The following ERN1 variants were observed in gnomAD, a reference collection of about 807,000 sequenced individuals.
ERN1 encodes serine/threonine-protein kinase/endoribonuclease IRE1.
ERN1 carries 39 observed loss-of-function variants against 113.1 expected under a neutral mutation model. The observed-to-expected ratio is 0.34, with a 90% CI of 0.27 to 0.45. ERN1 has a LOEUF of 0.45. Among genes scored for constraint, ERN1 ranks in the 20% least tolerant of loss-of-function variants. ERN1 has a pLI of 1.00. For synonymous variants in ERN1, 507 were observed against 515.9 expected (o/e 0.98, Z 0.23); for missense variants, 976 against 1,274.8 (o/e 0.77, Z 3.57).
intron 1 of ERN1, among the ~76,000 whole-genome samples, chr17:64,119,834 A>C (rs1175144660): frequency 1.3e-5 from 2 of 152,072 alleles, no homozygotes; most frequent in Non-Finnish European, 2.9e-5. Flanking sequence ...TTGGAGATGC[A>C]TTTGTTCTTT....
chr17:64,098,372 G>T, intron 1 of ERN1, 131 bp from the exon 2 acceptor site: 1 of 1,186,852 alleles, frequency 8.4e-7, no homozygotes. Flanking sequence ...AATGGAAGGT[G>T]GAGAGCCTAA....
chr17:64,128,336 G>C (rs537703516), intron 1 of ERN1, among the ~76,000 whole-genome samples: 3 of 151,968 alleles, frequency 2.0e-5, no homozygotes, highest in African/African-American at 7.3e-5. Flanking sequence ...ATATAGTTAC[G>C]CTAAACTATA....
intron 4 of ERN1, among the ~76,000 whole-genome samples, chr17:64,075,890 G>A (rs757517530): frequency 2.6e-5 from 4 of 152,232 alleles, no homozygotes; most frequent in Non-Finnish European, 4.4e-5. Flanking sequence ...CATTGATGCT[G>A]AAGGGATGCA....
chr17:64,058,342 G>A (rs906964922), intron 11 of ERN1, among the ~76,000 whole-genome samples: 11 of 152,114 alleles, frequency 7.2e-5, no homozygotes, highest in Admixed American at 2.0e-4. Flanking sequence ...GGAAAACACT[G>A]AAGTCATCTG....
At chr17:64,110,490 A>G (rs1914643470) in intron 1 of ERN1, among the ~76,000 whole-genome samples, 1 of 152,234 alleles carries the variant, frequency 6.6e-6, no homozygotes, top group African/African-American at 2.4e-5. Flanking sequence ...CCTTTGATGA[A>G]GACGATGATA....
chr17:64,075,101 C>T, intron 5 of ERN1, 74 bp downstream of exon 5: 1 of 1,272,226 alleles, frequency 7.9e-7, no homozygotes, highest in Non-Finnish European at 1.1e-6. Context: ...CGCCCTCTCT[C>T]TCCGCATGCC....
intron 2 of ERN1, among the ~76,000 whole-genome samples, chr17:64,096,265 G>A (rs2143449632): frequency 6.6e-6 from 1 of 152,370 alleles, no homozygotes; most frequent in South Asian, 2.1e-4. Context: ...CCTCCTGTCA[G>A]ATCAGTGGCA....
chr17:64,059,686 C>T (rs1462657961), intron 11 of ERN1, among the ~76,000 whole-genome samples: 1 of 152,122 alleles, frequency 6.6e-6, no homozygotes, highest in Non-Finnish European at 1.5e-5. Context: ...TGCTGAATTC[C>T]TCAACTGATG....
intron 19 of ERN1, among the ~76,000 whole-genome samples, chr17:64,047,417 G>A (rs1450821138): frequency 1.3e-5 from 2 of 152,072 alleles, no homozygotes; most frequent in South Asian, 2.1e-4. Context: ...ATTATATGAT[G>A]CCTGAGATTT....
At chr17:64,051,090 A>G (rs978604109) in intron 17 of ERN1, among the ~76,000 whole-genome samples, 1 of 152,154 alleles carries the variant, frequency 6.6e-6, no homozygotes, top group Admixed American at 6.5e-5. Flanking sequence ...AAAGAAGTAA[A>G]TAACAAAAAA....
At position 64,049,342 on chromosome 17, in the gene ERN1, C is replaced by A; in HGVS notation, c.2254-140G>T. On this transcript the variant is annotated intron_variant, in intron 17 of 21. Coordinates refer to ENST00000433197, the MANE Select transcript of ERN1 (RefSeq NM_001433.5). This position sits in a 1 kb window ranked among gnomAD's most constrained non-coding sequence, Gnocchi z 4.7. ...AATCAGCTGACATATGTGAGCTGCA[C>A]AGAGCAGCGAGGGCTAACCTGCAGC... The A allele has an allele frequency of 3.4e-6, 3 of 891,956 alleles. No homozygotes were observed. Among genetic ancestry groups the A allele is most frequent in the Non-Finnish European group, 4.8e-6 (3 of 623,374 alleles). 55.3% of individuals were successfully genotyped at this position (891,956 alleles called of 1,614,324 possible). A position where few individuals can be genotyped will look rare whatever the true frequency, so the allele number is the denominator to read the frequency against.
chr17:64,104,355 G>GT (rs1208604724), intron 1 of ERN1, among the ~76,000 whole-genome samples: 3 of 152,186 alleles, frequency 2.0e-5, no homozygotes, highest in East Asian at 1.9e-4. Context: ...CCCTGCAATG[G>GT]TAAGTACAGC....
intron 8 of ERN1, 83 bp downstream of exon 8, chr17:64,066,588 C>T (rs948001768): frequency 2.0e-6 from 3 of 1,529,926 alleles, no homozygotes; most frequent in East Asian, 4.6e-5. Flanking sequence ...TCTTTGGCCT[C>T]CCGTGCAGGG....
intron 17 of ERN1, among the ~76,000 whole-genome samples, chr17:64,050,566 G>A (rs1912651903): frequency 6.6e-6 from 1 of 152,282 alleles, no homozygotes; most frequent in Middle Eastern, 3.4e-3. Context: ...GTAAGGGACT[G>A]GGTCATGAAG....
At chr17:64,089,007 A>G (rs941710497) in intron 2 of ERN1, among the ~76,000 whole-genome samples, 2 of 152,156 alleles carry the variant, frequency 1.3e-5, no homozygotes. Context: ...CTAGAGTCCA[A>G]CTGGAAGCCT....
chr17:64,100,657 G>A (rs1307885815), intron 1 of ERN1, among the ~76,000 whole-genome samples: 1 of 152,138 alleles, frequency 6.6e-6, no homozygotes, highest in African/African-American at 2.4e-5. Flanking sequence ...TGTATTCCCA[G>A]CTATTCAGAA....
intron 2 of ERN1, among the ~76,000 whole-genome samples, chr17:64,094,420 G>C (rs563677649): frequency 6.6e-5 from 10 of 152,236 alleles, no homozygotes; most frequent in African/African-American, 2.2e-4. Context: ...TCGGTAATAT[G>C]TTTATTTCTT....
chr17:64,128,577 G>C (rs1197945568), intron 1 of ERN1, among the ~76,000 whole-genome samples: 1 of 152,104 alleles, frequency 6.6e-6, no homozygotes, highest in East Asian at 1.9e-4. Context: ...ATCCCTTGAC[G>C]TTATGAAATG....
rs1469648056 is a variant in ERN1 at position 64,054,528 on chromosome 17, A to C, written c.1764-89T>G. 1 of 1,298,080 alleles carries C rather than the reference A, an allele frequency of 7.7e-7. No homozygotes were observed. Among genetic ancestry groups the C allele is most frequent in the Non-Finnish European group, 1.1e-6 (1 of 939,504 alleles). 80.4% of individuals were successfully genotyped at this position (1,298,080 alleles called of 1,614,324 possible). ...GAACCTGGGTCCACAGCATTCACCTACTGCCTCCCAGCCTAGAGAGCCCCG... is the reference window on the plus strand; with the variant it reads ...GAACCTGGGTCCACAGCATTCACCTCCTGCCTCCCAGCCTAGAGAGCCCCG... On this transcript the variant is annotated intron_variant, in intron 14 of 21. Coordinates refer to ENST00000433197, the MANE Select transcript of ERN1 (RefSeq NM_001433.5). This position sits in a 1 kb window ranked among gnomAD's most constrained non-coding sequence, Gnocchi z 4.9.
Sources: allele counts gnomAD v4.1 joint callset (sites outside exome capture counted in the v4.1 genomes callset), GRCh38; gene constraint gnomAD v4.1.1; non-coding constraint Gnocchi (gnomAD v3.1); transcripts MANE v1.5; gene names NCBI Gene and HGNC (gene_info 2026-07-23, HGNC 2026-07-21).